The following HNRNPUL1 variants were observed in gnomAD, a reference collection of about 807,000 sequenced individuals.
HNRNPUL1 encodes the protein heterogeneous nuclear ribonucleoprotein U like 1, also known as heterogeneous nuclear ribonucleoprotein U-like protein 1.
HNRNPUL1 carries 14 observed loss-of-function variants against 108.5 expected under a neutral mutation model. That is an observed-to-expected ratio of 0.13 (90% CI 0.09 to 0.20). HNRNPUL1 has a LOEUF of 0.20. HNRNPUL1 is among the 10% of genes least tolerant of loss of function. HNRNPUL1 has a pLI of 1.00. For missense variants in HNRNPUL1, 804 were observed against 1,168.3 expected, an observed-to-expected ratio of 0.69 and a Z score of 4.55; for synonymous variants, 422 against 445.2, an observed-to-expected ratio of 0.95 and a Z score of 0.66.
chr19:41,305,037 T>C (rs2037458728), intron 13 of HNRNPUL1, among the ~76,000 whole-genome samples: 1 of 152,196 alleles, frequency 6.6e-6, no homozygotes, highest in Non-Finnish European at 1.5e-5. Context: ...TAGAAGTCCC[T>C]TCCAAGGTTT....
intron 13 of HNRNPUL1, 31 bp downstream of exon 13, chr19:41,304,292 T>A (rs1164951952): frequency 6.4e-7 from 1 of 1,556,140 alleles, no homozygotes; most frequent in South Asian, 1.2e-5. Flanking sequence ...TTGTATGTAG[T>A]GATCGCACGT....
intron 1 of HNRNPUL1, among the ~76,000 whole-genome samples, chr19:41,267,693 G>C (rs1047396215): frequency 3.9e-5 from 6 of 152,228 alleles, no homozygotes; most frequent in African/African-American, 1.4e-4. Context: ...CCACTGGTAG[G>C]GCCCTTGGGG....
At chr19:41,267,653 T>G (rs1037439331) in intron 1 of HNRNPUL1, among the ~76,000 whole-genome samples, 3 of 152,244 alleles carry the variant, frequency 2.0e-5, no homozygotes, top group Admixed American at 1.3e-4. Context: ...TCTCCTTCCC[T>G]TTGGTTCTGG....
chr19:41,265,533 G>A lies in HNRNPUL1; in HGVS notation c.295+735G>A, dbSNP rs542051071. On this transcript the variant is annotated intron_variant, in intron 1 of 14. Coordinates refer to ENST00000392006, the MANE Select transcript of HNRNPUL1 (RefSeq NM_007040.6). ...AGCAGGCACAGCCTGGACATTAGGT[G>A]CTGGGAGATCTGGGGACTTTCTGGT... Among the ~76,000 whole-genome samples the A allele has an allele frequency of 1.3e-4, 20 of 152,278 alleles. 1 individual carries two copies. In the South Asian group the frequency reaches 4.1e-3, roughly 32 times the overall value.
At chr19:41,280,980 C>G (rs986373240) in intron 6 of HNRNPUL1, 183 bp from the exon 7 acceptor site, 1 of 554,104 alleles carries the variant, frequency 1.8e-6, no homozygotes, top group African/African-American at 1.9e-5. Context: ...ATCAAGCCCT[C>G]CAAGTTCTAC....
chr19:41,282,212 T>A (rs7257583), intron 7 of HNRNPUL1, among the ~76,000 whole-genome samples: 1 of 151,976 alleles, frequency 6.6e-6, no homozygotes, highest in African/African-American at 2.4e-5. Flanking sequence ...ATGAGTTTTT[T>A]GCTCTTGTTG....
intron 2 of HNRNPUL1, among the ~76,000 whole-genome samples, chr19:41,271,328 C>T (rs1216551367): frequency 6.6e-6 from 1 of 152,180 alleles, no homozygotes; most frequent in African/African-American, 2.4e-5. Context: ...TCATCAGGAG[C>T]CCTGTGTGAG....
intron 3 of HNRNPUL1, among the ~76,000 whole-genome samples, chr19:41,272,994 A>G (rs943238042): frequency 1.6e-4 from 24 of 152,164 alleles, no homozygotes; most frequent in Middle Eastern, 3.2e-3. Flanking sequence ...GGCGGAGTCC[A>G]CCTTCTAACT....
At chr19:41,266,099 GA>G (rs1228122641) in intron 1 of HNRNPUL1, among the ~76,000 whole-genome samples, 1 of 152,080 alleles carries the variant, frequency 6.6e-6, no homozygotes, top group African/African-American at 2.4e-5. Context: ...CTGAGGAGAG[GA>G]AAACCTGATA....
At chr19:41,288,943 A>G (rs2036419405) in intron 7 of HNRNPUL1, among the ~76,000 whole-genome samples, 1 of 151,988 alleles carries the variant, frequency 6.6e-6, no homozygotes, top group African/African-American at 2.4e-5. Context: ...TGCACATAGA[A>G]TTTTGCATTC....
At chr19:41,282,156 C>T (rs1457641052) in intron 7 of HNRNPUL1, among the ~76,000 whole-genome samples, 1 of 152,132 alleles carries the variant, frequency 6.6e-6, no homozygotes, top group Admixed American at 6.6e-5. Flanking sequence ...TATTTGTACA[C>T]ATGTACTCTT....
chr19:41,264,553 G>C lies in HNRNPUL1; in HGVS notation c.50G>C (p.Arg17Pro), dbSNP rs1466013884. 3.3e-6 allele frequency: 5 copies of C among 1,519,000 alleles called. No homozygotes were observed. The highest frequency in any genetic ancestry group is 4.4e-6 in the Non-Finnish European group (5 of 1,136,510). The allele number at this position is 1,519,000 out of a possible 1,614,324, so 94.1% of individuals were successfully genotyped here. A position where few individuals can be genotyped will look rare whatever the true frequency, so the allele number is the denominator to read the frequency against. The change falls in exon 1 of 15, where the codon CGC (arginine) becomes CCC (proline). Residue 17 changes from arginine (R) to proline (P), a missense_variant. This residue lies in a region of HNRNPUL1 where 256 missense variants were observed against 261.6 expected (regional missense o/e 0.98). Coordinates refer to ENST00000392006, the MANE Select transcript of HNRNPUL1 (RefSeq NM_007040.6). ...AACGAACTTCGCGAGGAGCTGCAGC[G>C]CCGCGGCCTGGACACTCGAGGCCTC... ...KVNELREELQ[R>P]RGLDTRGLKA...
chr19:41,263,176 C>T (rs987161669), upstream of HNRNPUL1, among the ~76,000 whole-genome samples: 2 of 151,822 alleles, frequency 1.3e-5, 1 homozygote, highest in African/African-American at 4.8e-5. Context: ...GCGGGCTTAA[C>T]GTGTGGCTCA....
Position 41,302,969 on chromosome 19 carries a change from G to T in HNRNPUL1, c.1972+20G>T, listed in dbSNP as rs2037323623. Reference sequence around the variant, plus strand: ...GAGGAGGTGAGACATCTCACACACAGCACTCTCCACTTTCTGTTCCCAGGT... The same window carrying T: ...GAGGAGGTGAGACATCTCACACACATCACTCTCCACTTTCTGTTCCCAGGT... On this transcript the variant is annotated intron_variant, in intron 12 of 14. Transcript: ENST00000392006. 2.6e-6 allele frequency: 4 copies of T among 1,513,972 alleles called. No individual in the cohort carries two copies. Among genetic ancestry groups the T allele is most frequent in the Non-Finnish European group, 3.5e-6 (4 of 1,132,672 alleles). 93.8% of individuals were successfully genotyped at this position (1,513,972 alleles called of 1,614,324 possible).
chr19:41,278,755 A>G (rs1490182505), intron 5 of HNRNPUL1, among the ~76,000 whole-genome samples: 2 of 152,168 alleles, frequency 1.3e-5, no homozygotes, highest in African/African-American at 4.8e-5. Context: ...AGCCATTTAC[A>G]GTTTTGATAG....
At chr19:41,285,404 T>C (rs985573325) in intron 7 of HNRNPUL1, among the ~76,000 whole-genome samples, 9 of 152,120 alleles carry the variant, frequency 5.9e-5, no homozygotes, top group African/African-American at 2.2e-4. Flanking sequence ...TTTGTATTTT[T>C]TGTAGAGATG....
Position 41,294,677 on chromosome 19 carries a change from C to T in HNRNPUL1, c.1509C>T (p.Ile503=). The change falls in exon 10 of 15, where the codon ATC becomes ATT. Residue 503 remains isoleucine, a synonymous_variant. Coordinates refer to ENST00000392006, the MANE Select transcript of HNRNPUL1 (RefSeq NM_007040.6). This position sits in a 1 kb window ranked among gnomAD's most constrained non-coding sequence, Gnocchi z 4.3. Reference sequence around the variant, plus strand: ...CTGCCCGCAAGAAACGCAACTATATCCTAGATCAGGTACTTAATGATGACC... The same window carrying T: ...CTGCCCGCAAGAAACGCAACTATATTCTAGATCAGGTACTTAATGATGACC... ...QIAARKKRNY[I]LDQTNVYGSA... 1.2e-6 allele frequency: 2 copies of T among 1,614,160 alleles called. No homozygotes were observed. Among genetic ancestry groups the T allele is most frequent in the Non-Finnish European group, 8.5e-7 (1 of 1,180,038 alleles).
chr19:41,289,581 G>C (rs2036457721), intron 7 of HNRNPUL1, among the ~76,000 whole-genome samples: 1 of 152,154 alleles, frequency 6.6e-6, no homozygotes, highest in Admixed American at 6.6e-5. Flanking sequence ...CTTTTGGACA[G>C]ATGGCTCTGT....
chr19:41,275,736 GA>G (rs2035512385), intron 4 of HNRNPUL1, among the ~76,000 whole-genome samples: 1 of 152,156 alleles, frequency 6.6e-6, no homozygotes, highest in Non-Finnish European at 1.5e-5. Context: ...CTGCCCCCAT[GA>G]TGTGTTCACT....
Sources: gnomAD v4.1 joint callset for allele counts (sites outside exome capture counted in the v4.1 genomes callset) on GRCh38, gnomAD v4.1.1 for gene constraint, gnomAD v4.1.1 regional missense constraint, Gnocchi (gnomAD v3.1) non-coding constraint, MANE v1.5 for transcripts, NCBI Gene and HGNC (gene_info 2026-07-23, HGNC 2026-07-21) for gene names.